The following FSIP1 variants were observed in gnomAD, a reference collection of about 807,000 sequenced individuals.
FSIP1 encodes the protein fibrous sheath-interacting protein 1.
Under a neutral mutation model 60.9 loss-of-function variants are expected in FSIP1, and 65 were observed. That is an observed-to-expected ratio of 1.07 (90% confidence interval 0.87 to 1.31). FSIP1 has a LOEUF of 1.31. Ranked by LOEUF, FSIP1 falls within the 40% of genes most tolerant of loss-of-function variation. The pLI is 0.00. For missense variants in FSIP1, 675 were observed against 665.5 expected (o/e 1.01, Z -0.16); for synonymous variants, 209 against 221.2 (o/e 0.94, Z 0.49).
At chr15:39,762,428 C>G (rs1275046129) in intron 5 of FSIP1, among the ~76,000 whole-genome samples, 2 of 152,164 alleles carry the variant, frequency 1.3e-5, no homozygotes, top group Non-Finnish European at 2.9e-5. Context: ...TAAAGGCCCA[C>G]CCTAATCCAA....
intron 9 of FSIP1, among the ~76,000 whole-genome samples, chr15:39,724,839 A>C (rs980982614): frequency 1.3e-5 from 2 of 152,240 alleles, no homozygotes; most frequent in Non-Finnish European, 2.9e-5. Context: ...CATGAAAAGA[A>C]TAGAGTATCT....
At chr15:39,654,307 G>A (rs1386537222) in intron 10 of FSIP1, among the ~76,000 whole-genome samples, 2 of 152,202 alleles carry the variant, frequency 1.3e-5, no homozygotes, top group African/African-American at 4.8e-5. Flanking sequence ...TGACAGCACA[G>A]TAGGTTTGTT....
In FSIP1 at chr15:39,744,574, A is replaced by C. The variant is rs117260442; in HGVS notation, c.560-2674T>G. On this transcript the variant is annotated intron_variant, in intron 5 of 11. Coordinates refer to ENST00000350221, the MANE Select transcript of FSIP1 (RefSeq NM_152597.5). ...TGCATAGAGAACCTGAAGAGGCTGG[A>C]GAAACCCACAGCAGAGTGAGCTCTG... Among the ~76,000 whole-genome samples, 325 of 152,262 alleles carry C rather than the reference A, an allele frequency of 2.1e-3. 2 individuals carry two copies. The highest frequency in any genetic ancestry group is 3.7e-3 in the Non-Finnish European group (251 of 68,002).
intron 5 of FSIP1, among the ~76,000 whole-genome samples, chr15:39,758,931 C>A (rs903879197): frequency 7.9e-5 from 12 of 151,892 alleles, no homozygotes; most frequent in African/African-American, 2.9e-4. Context: ...GGGGAAATGA[C>A]AGATTATCCA....
At chr15:39,744,368 G>A (rs1417840868) in intron 5 of FSIP1, among the ~76,000 whole-genome samples, 1 of 152,192 alleles carries the variant, frequency 6.6e-6, no homozygotes, top group African/African-American at 2.4e-5. Flanking sequence ...CCTGAAAGAG[G>A]AAGATTGCAG....
At chr15:39,738,290 C>T in intron 7 of FSIP1, 89 bp from the exon 8 acceptor site, 1 of 757,632 alleles carries the variant, frequency 1.3e-6, no homozygotes, top group Non-Finnish European at 2.1e-6. Context: ...TTCTACACTA[C>T]AGATACACAA....
At chr15:39,631,781 A>G (rs1465269073) in intron 10 of FSIP1, among the ~76,000 whole-genome samples, 2 of 152,254 alleles carry the variant, frequency 1.3e-5, no homozygotes, top group Non-Finnish European at 2.9e-5. Flanking sequence ...ATTCAAGTAC[A>G]TATATATTAA....
chr15:39,735,348 T>C (rs1595676293), intron 8 of FSIP1, among the ~76,000 whole-genome samples: 1 of 152,252 alleles, frequency 6.6e-6, no homozygotes, highest in East Asian at 1.9e-4. Context: ...CTGTACAGTA[T>C]GTTTTGTAGT....
intron 2 of FSIP1, 137 bp downstream of exon 2, chr15:39,776,262 C>T: frequency 1.6e-6 from 1 of 637,644 alleles, no homozygotes; most frequent in Non-Finnish European, 2.5e-6. Flanking sequence ...AGATTAAAAT[C>T]CAAGAAATCT....
At chr15:39,663,387 T>C (rs549694499) in intron 10 of FSIP1, among the ~76,000 whole-genome samples, 5 of 152,148 alleles carry the variant, frequency 3.3e-5, no homozygotes, top group African/African-American at 1.2e-4. Context: ...ATATAAATCT[T>C]AATTGTATCT....
intron 11 of FSIP1, among the ~76,000 whole-genome samples, chr15:39,608,543 C>T (rs1890908727): frequency 1.3e-5 from 2 of 152,276 alleles, no homozygotes; most frequent in South Asian, 4.2e-4. Flanking sequence ...CTAATAAAAA[C>T]ACTTTATCCA....
intron 10 of FSIP1, among the ~76,000 whole-genome samples, chr15:39,665,115 C>G (rs192944424): frequency 6.6e-6 from 1 of 152,150 alleles, no homozygotes; most frequent in Non-Finnish European, 1.5e-5. Context: ...TTAGCATGAC[C>G]CCAGCTGCAT....
intron 10 of FSIP1, among the ~76,000 whole-genome samples, chr15:39,681,036 G>A (rs1280588691): frequency 6.6e-6 from 1 of 152,086 alleles, no homozygotes; most frequent in Non-Finnish European, 1.5e-5. Context: ...CTGGGATGGA[G>A]ACCAGCCACG....
chr15:39,703,477 T>C (rs914098484), intron 10 of FSIP1, among the ~76,000 whole-genome samples: 1 of 152,212 alleles, frequency 6.6e-6, no homozygotes, highest in Non-Finnish European at 1.5e-5. Flanking sequence ...ATTTATAACC[T>C]CTCTTGTTCC....
In FSIP1 at chr15:39,732,966, G is replaced by A. The variant is rs556655791; in HGVS notation, c.891+5125C>T. 5.3e-4 allele frequency among the ~76,000 whole-genome samples: 80 copies of A among 152,136 alleles called. No homozygotes were observed. The South Asian group carries it at 9.4e-3, about 18-fold the overall frequency. On this transcript the variant is annotated intron_variant, in intron 8 of 11. Coordinates refer to ENST00000350221, the MANE Select transcript of FSIP1 (RefSeq NM_152597.5). ...ATTCTAACATTTGTCACCATCCATC[G>A]GACTCTAGAATTTCTGTATGTTTAC... is the stretch of plus-strand genomic sequence containing the variant.
intron 10 of FSIP1, 60 bp downstream of exon 10, chr15:39,713,384 T>G: frequency 6.7e-7 from 1 of 1,485,328 alleles, no homozygotes; most frequent in Non-Finnish European, 9.1e-7. Flanking sequence ...CTGGGCAACA[T>G]AGTGAGAACC....
chr15:39,738,250 G>A, intron 7 of FSIP1, 49 bp from the exon 8 acceptor site: 2 of 1,230,726 alleles, frequency 1.6e-6, no homozygotes, highest in Non-Finnish European at 1.1e-6. Context: ...GAAATTCACA[G>A]TTCAGGAAAA....
At chr15:39,747,746 T>A (rs924750479) in intron 5 of FSIP1, among the ~76,000 whole-genome samples, 1 of 152,334 alleles carries the variant, frequency 6.6e-6, no homozygotes, top group East Asian at 1.9e-4. Flanking sequence ...TGGGCCTGGA[T>A]GCTTGTAAGA....
intron 10 of FSIP1, among the ~76,000 whole-genome samples, chr15:39,644,652 G>A (rs1053814663): frequency 2.0e-5 from 3 of 152,010 alleles, no homozygotes; most frequent in South Asian, 4.1e-4. Flanking sequence ...CATGGATGAG[G>A]AGCAGTATCT....
Sources: allele counts gnomAD v4.1 joint callset (sites outside exome capture counted in the v4.1 genomes callset), GRCh38; gene constraint gnomAD v4.1.1; transcripts MANE v1.5; gene names NCBI Gene and HGNC (gene_info 2026-07-23, HGNC 2026-07-21).